The following TBX4 variants were observed in gnomAD, a reference collection of about 807,000 sequenced individuals.
TBX4 encodes the protein T-box transcription factor 4, also known as T-box transcription factor TBX4.
Under a neutral mutation model 54.6 loss-of-function variants are expected in TBX4, and 13 were observed. The ratio of observed to expected loss-of-function variants is 0.24; its 90% confidence interval spans 0.15 to 0.38. The LOEUF is 0.38. Among genes scored for constraint, TBX4 ranks in the 10% least tolerant of loss-of-function variants. The pLI is 1.00. For missense variants in TBX4, 631 were observed against 728.5 expected (o/e 0.87, Z 1.54); for synonymous variants, 314 against 306.7 (o/e 1.02, Z -0.25).
intron 3 of TBX4, among the ~76,000 whole-genome samples, chr17:61,458,864 A>C (rs890436172): frequency 2.6e-5 from 4 of 152,240 alleles, no homozygotes; most frequent in African/African-American, 4.8e-5. Flanking sequence ...TTAGTGAATG[A>C]TAGACTATTC....
Position 61,469,058 on chromosome 17 carries a change from C to T in TBX4, c.549+1401C>T, listed in dbSNP as rs185022087. Among the ~76,000 whole-genome samples, 3 of 152,324 alleles carry T rather than the reference C, an allele frequency of 2.0e-5. No homozygotes were observed. The East Asian group carries it at 5.8e-4, about 29-fold the overall frequency. ...CGAATACAGAGCTTGTGGGGAGCTGCATCTTTGGGTGGCCATTTGTCCCTA... is the reference window on the plus strand; with the variant it reads ...CGAATACAGAGCTTGTGGGGAGCTGTATCTTTGGGTGGCCATTTGTCCCTA... On this transcript the variant is annotated intron_variant, in intron 5 of 8. Coordinates refer to ENST00000644296, the MANE Select transcript of TBX4 (RefSeq NM_001321120.2).
intron 5 of TBX4, among the ~76,000 whole-genome samples, chr17:61,471,543 A>ATTTTTT (rs59212228): frequency 0.029 from 3,899 of 136,198 alleles, 127 homozygotes; most frequent in African/African-American, 0.075. Context: ...TCTTTTCAGC[A>ATTTTTT]TTTTTTTTTT....
In TBX4 at chr17:61,474,987, C is replaced by T. The variant is rs1263288055; in HGVS notation, c.550-3640C>T. The stretch of plus-strand genomic sequence containing the variant: ...AAAGGCCCCACTTCATAGATGGGGA[C>T]CCCAATGGTTGGAGAAGGAGAAGAG... On this transcript the variant is annotated intron_variant, in intron 5 of 8. Transcript: ENST00000644296. This position sits in a 1 kb window ranked among gnomAD's most constrained non-coding sequence, Gnocchi z 4.6. Among the ~76,000 whole-genome samples, 3 of 152,192 alleles carry T rather than the reference C, an allele frequency of 2.0e-5. No homozygotes were observed. The highest frequency in any genetic ancestry group is 4.4e-5 in the Non-Finnish European group (3 of 68,030).
At chr17:61,466,360 G>T (rs943999500) in intron 4 of TBX4, among the ~76,000 whole-genome samples, 15 of 152,160 alleles carry the variant, frequency 9.9e-5, no homozygotes, top group African/African-American at 3.6e-4. Context: ...CTGTGTGGGG[G>T]CACTCGCCTG....
At position 61,474,704 on chromosome 17, in the gene TBX4, G is replaced by A. The variant is rs1162778201; in HGVS notation, c.550-3923G>A. Among the ~76,000 whole-genome samples the A allele has an allele frequency of 6.6e-6, 1 of 152,222 alleles. No homozygotes were observed. Among genetic ancestry groups the A allele is most frequent in the Admixed American group, 6.5e-5 (1 of 15,278 alleles). The stretch of plus-strand genomic sequence containing the variant: ...AGTCATGTAGTGGGGTTGTTGACGT[G>A]GCTGGCCCATTTGGCCCCATATCCT... On this transcript the variant is annotated intron_variant, in intron 5 of 8. Transcript: ENST00000644296. The surrounding 1 kb of genome is among the most constrained non-coding windows in gnomAD (Gnocchi z 4.6).
intron 3 of TBX4, among the ~76,000 whole-genome samples, chr17:61,463,550 G>A (rs2060513708): frequency 6.6e-6 from 1 of 152,220 alleles, no homozygotes; most frequent in Non-Finnish European, 1.5e-5. Context: ...CTGGGCTGTG[G>A]AAATGAAGCC....
At chr17:61,467,734 A>G (rs1276067315) in intron 5 of TBX4, 77 bp downstream of exon 5, 20 of 1,577,572 alleles carry the variant, frequency 1.3e-5, no homozygotes, top group African/African-American at 2.7e-5. Flanking sequence ...GGATGGGGAT[A>G]GGGAGAATCC....
rs559084047 is a variant in TBX4, at chr17:61,462,287, G to C, written c.282-3532G>C. On this transcript the variant is annotated intron_variant, in intron 3 of 8. Coordinates refer to ENST00000644296, the MANE Select transcript of TBX4 (RefSeq NM_001321120.2). This position sits in a 1 kb window ranked among gnomAD's most constrained non-coding sequence, Gnocchi z 4.5. ...AAGCCCCGGGCTTTCATCTCCTCCC[G>C]GGCCGGCGAGCAGGCGGCTTGTTTA... Among the ~76,000 whole-genome samples the C allele has an allele frequency of 6.6e-6, 1 of 152,178 alleles. No individual in the cohort carries two copies. Among genetic ancestry groups the C allele is most frequent in the Admixed American group, 6.5e-5 (1 of 15,286 alleles).
At chr17:61,456,305 G>C in intron 1 of TBX4, 183 bp from the exon 2 acceptor site, 1 of 717,190 alleles carries the variant, frequency 1.4e-6, no homozygotes, top group Admixed American at 2.2e-5. Flanking sequence ...AGCCTGAAGG[G>C]AGGAGGCGAG....
rs912638903 is a variant in TBX4 at position 61,459,958 on chromosome 17, G to T, written c.281+2327G>T. 4.0e-5 allele frequency among the ~76,000 whole-genome samples: 6 copies of T among 150,950 alleles called. No homozygotes were observed. The highest frequency in any genetic ancestry group is 8.8e-5 in the Non-Finnish European group (6 of 67,960). On this transcript the variant is annotated intron_variant, in intron 3 of 8. Transcript: ENST00000644296. This position sits in a 1 kb window ranked among gnomAD's most constrained non-coding sequence, Gnocchi z 4.8. ...TCAGGCTGTGGTTCTTCAACATCCT[G>T]TCCAGTGCCTCTCCCTGCTCCCCAA...
In TBX4 at chr17:61,478,073, C is replaced by A. The variant is rs140939228; in HGVS notation, c.550-554C>A. Among the ~76,000 whole-genome samples the A allele has an allele frequency of 1.7e-4, 26 of 152,196 alleles. 1 individual carries two copies. The highest frequency in any genetic ancestry group is 6.3e-4 in the African/African-American group (26 of 41,510). Reference sequence around the variant, plus strand: ...CCTCAGCTTTTTCCCTCTCTCTCATCCTGCAAAACCCAAGTATTTCTAGAA... The same window carrying A: ...CCTCAGCTTTTTCCCTCTCTCTCATACTGCAAAACCCAAGTATTTCTAGAA... On this transcript the variant is annotated intron_variant, in intron 5 of 8. Transcript: ENST00000644296. This position sits in a 1 kb window ranked among gnomAD's most constrained non-coding sequence, Gnocchi z 7.4.
rs140385970 is a variant in TBX4 at position 61,482,988 on chromosome 17, C to A, written c.1113C>A (p.Pro371=). 56 of 1,613,958 alleles carry A rather than the reference C, an allele frequency of 3.5e-5. No homozygotes were observed. The highest frequency in any genetic ancestry group is 4.2e-5 in the Non-Finnish European group (49 of 1,179,998). ...SVGEDHYFRS[P]PPYDQQMLSP... Reference sequence around the variant, plus strand: ...GGGAGGATCACTATTTCCGTTCCCCCCCTCCCTACGACCAGCAAATGCTGA... The same window carrying A: ...GGGAGGATCACTATTTCCGTTCCCCACCTCCCTACGACCAGCAAATGCTGA... Residue 371 remains proline, a synonymous_variant, in exon 9 of 9, where the codon CCC becomes CCA. Coordinates refer to ENST00000644296, the MANE Select transcript of TBX4 (RefSeq NM_001321120.2).
Position 61,481,810 on chromosome 17 carries a change from A to C in TBX4, c.1022-1087A>C, listed in dbSNP as rs112424403. On this transcript the variant is annotated intron_variant, in intron 8 of 8. Transcript: ENST00000644296. This position sits in a 1 kb window ranked among gnomAD's most constrained non-coding sequence, Gnocchi z 4.8. ...GAGACGGAGTCTCTCTCTGTCTCCC[A>C]GGCTGGAGTGCAATGGTGCAATCTG... 0.077 allele frequency: 11,698 copies of C among 152,404 alleles called. 580 individuals are homozygous for C. Among genetic ancestry groups the C allele is most frequent in the Middle Eastern group, 0.14 (41 of 294 alleles). 9.4% of individuals were successfully genotyped at this position (152,404 alleles called of 1,614,324 possible).
At position 61,459,001 on chromosome 17, in the gene TBX4, TG is replaced by T. The variant is rs1488389271; in HGVS notation, c.281+1372del. 6.6e-6 allele frequency among the ~76,000 whole-genome samples: 1 copy of T among 152,246 alleles called. No homozygotes were observed. The highest frequency in any genetic ancestry group is 2.4e-5 in the African/African-American group (1 of 41,468). ...TGTTGAGGGTGGAGGTCTGGGCACTTGGCCACCCTCAGGCCTTAGCCAGGGA... is the reference window on the plus strand; with the variant it reads ...TGTTGAGGGTGGAGGTCTGGGCACTTGCCACCCTCAGGCCTTAGCCAGGGA... On this transcript the variant is annotated intron_variant, in intron 3 of 8. Coordinates refer to ENST00000644296, the MANE Select transcript of TBX4 (RefSeq NM_001321120.2). The surrounding 1 kb of genome is among the most constrained non-coding windows in gnomAD (Gnocchi z 4.8).
rs1357193871 is a variant in TBX4 at position 61,474,720 on chromosome 17, C to T, written c.550-3907C>T. On this transcript the variant is annotated intron_variant, in intron 5 of 8. Coordinates refer to ENST00000644296, the MANE Select transcript of TBX4 (RefSeq NM_001321120.2). This position sits in a 1 kb window ranked among gnomAD's most constrained non-coding sequence, Gnocchi z 4.6. ...TGTTGACGTGGCTGGCCCATTTGGC[C>T]CCATATCCTCTGCAGCAAATATAAA... 6.6e-6 allele frequency among the ~76,000 whole-genome samples: 1 copy of T among 152,176 alleles called. No individual in the cohort carries two copies. Among genetic ancestry groups the T allele is most frequent in the African/African-American group, 2.4e-5 (1 of 41,434 alleles).
In TBX4 at chr17:61,479,686, G is replaced by C. The variant is rs575953532; in HGVS notation, c.703-195G>C. Among the ~76,000 whole-genome samples, 49 of 152,258 alleles carry C rather than the reference G, an allele frequency of 3.2e-4. No individual in the cohort carries two copies. Among genetic ancestry groups the C allele is most frequent in the Middle Eastern group, 6.8e-3 (2 of 294 alleles). On this transcript the variant is annotated intron_variant, in intron 6 of 8. Transcript: ENST00000644296. This position sits in a 1 kb window ranked among gnomAD's most constrained non-coding sequence, Gnocchi z 6.1. The stretch of plus-strand genomic sequence containing the variant: ...CCTGCCCCAGTTCTGCCTGTGCCTG[G>C]GGTTGGGGAGGAGGGAAGGCCAGAG...
chr17:61,480,408 C>CCCA lies in TBX4; in HGVS notation c.1021+89_1021+90insCCA. ...CACTCTGCAGCGCCCCCCCCCCCAA[C>CCCA]ACACACACACTCATCTCGTGCTTGT... On this transcript the variant is annotated intron_variant, in intron 8 of 8. Coordinates refer to ENST00000644296, the MANE Select transcript of TBX4 (RefSeq NM_001321120.2). The surrounding 1 kb of genome is among the most constrained non-coding windows in gnomAD (Gnocchi z 6.2). 2.0e-6 allele frequency: 2 copies of CCCA among 996,870 alleles called. No individual in the cohort carries two copies. The highest frequency in any genetic ancestry group is 1.6e-5 in the African/African-American group (1 of 61,150). 61.8% of individuals were successfully genotyped at this position (996,870 alleles called of 1,614,324 possible).
chr17:61,468,131 C>T (rs905127625), intron 5 of TBX4, among the ~76,000 whole-genome samples: 1 of 152,200 alleles, frequency 6.6e-6, no homozygotes, highest in African/African-American at 2.4e-5. Flanking sequence ...TTCCAAAGCC[C>T]CTCTTTGGTG....
At chr17:61,458,942 C>T (rs904751551) in intron 3 of TBX4, among the ~76,000 whole-genome samples, 18 of 152,266 alleles carry the variant, frequency 1.2e-4, no homozygotes, top group African/African-American at 4.3e-4. Context: ...TTCCTCTCTG[C>T]TCCCTGGCAG....
Sources: allele counts gnomAD v4.1 joint callset (sites outside exome capture counted in the v4.1 genomes callset), GRCh38; gene constraint gnomAD v4.1.1; non-coding constraint Gnocchi (gnomAD v3.1); transcripts MANE v1.5; gene names NCBI Gene and HGNC (gene_info 2026-07-23, HGNC 2026-07-21).